KCNT1: variants seen among roughly 807,000 people sequenced by gnomAD.
KCNT1 encodes the protein potassium channel subfamily T member 1.
KCNT1 carries 78 observed loss-of-function variants against 147.8 expected under a neutral mutation model. That is an observed-to-expected ratio of 0.53 (90% CI 0.44 to 0.64). KCNT1 has a LOEUF of 0.64. KCNT1 is among the 30% of genes least tolerant of loss of function. The probability of loss-of-function intolerance (pLI) is 0.00; values close to 1 mark genes in which losing one functional copy is unlikely to be tolerated. For missense variants in KCNT1, 1,419 were observed against 1,750.3 expected (o/e 0.81, Z 3.38); for synonymous variants, 867 against 748.8 (o/e 1.16, Z -2.58).
intron 3 of KCNT1, chr9:135,750,692 C>T (rs572364531): frequency 3.5e-6 from 2 of 575,118 alleles, no homozygotes; most frequent in South Asian, 4.2e-5. Context: ...GTGGAGTGGC[C>T]TCTAGAAATC....
chr9:135,761,408 C>T (rs1032107978), intron 11 of KCNT1, among the ~76,000 whole-genome samples: 60 of 149,666 alleles, frequency 4.0e-4, no homozygotes, highest in African/African-American at 1.4e-3. Context: ...CAGGCAAGGG[C>T]GGGAGTGAGG....
At chr9:135,751,542 T>C (rs1831171435) in intron 4 of KCNT1, among the ~76,000 whole-genome samples, 1 of 152,172 alleles carries the variant, frequency 6.6e-6, no homozygotes, top group Non-Finnish European at 1.5e-5. Flanking sequence ...GGCAGCAATC[T>C]GCACCGTCAG....
chr9:135,754,987 C>G, intron 5 of KCNT1, 134 bp from the exon 6 acceptor site: 2 of 695,236 alleles, frequency 2.9e-6, no homozygotes, highest in Non-Finnish European at 4.5e-6. Context: ...AAGGTAGGCT[C>G]CTTTGGTCCA....
At chr9:135,748,122 G>A (rs573320169) in intron 2 of KCNT1, among the ~76,000 whole-genome samples, 3 of 152,014 alleles carry the variant, frequency 2.0e-5, no homozygotes, top group African/African-American at 7.3e-5. Flanking sequence ...TTATTGAGAC[G>A]GGGGTCTTGC....
intron 3 of KCNT1, chr9:135,750,452 G>A: frequency 1.9e-6 from 1 of 532,386 alleles, no homozygotes; most frequent in Non-Finnish European, 3.4e-6. Context: ...TGGACACCAG[G>A]CTGGGTGGGG....
At chr9:135,733,649 T>G (rs768864357) in intron 2 of KCNT1, among the ~76,000 whole-genome samples, 43 of 131,668 alleles carry the variant, frequency 3.3e-4, no homozygotes, top group Non-Finnish European at 6.5e-4. Flanking sequence ...TGCCCAGCCC[T>G]GCACTCCTCT....
At chr9:135,778,000 G>C (rs977675327) in intron 21 of KCNT1, among the ~76,000 whole-genome samples, 13 of 88,228 alleles carry the variant, frequency 1.5e-4, no homozygotes, top group African/African-American at 3.5e-4. Context: ...CTCAGCTCCT[G>C]TGGCTCCCAG....
At chr9:135,785,373 A>G (rs1833957994) in intron 28 of KCNT1, 43 bp downstream of exon 28, 1 of 1,611,864 alleles carries the variant, frequency 6.2e-7, no homozygotes, top group Non-Finnish European at 8.5e-7. Flanking sequence ...GCGGAGCACC[A>G]GAACATCGCA....
intron 22 of KCNT1, 83 bp downstream of exon 22, chr9:135,778,578 G>T (rs934357304): frequency 6.2e-7 from 1 of 1,600,452 alleles, no homozygotes; most frequent in African/African-American, 1.3e-5. Flanking sequence ...GACCCCGACC[G>T]CAGGTGGGGT....
At chr9:135,717,995 C>G (rs1032989698) in intron 2 of KCNT1, among the ~76,000 whole-genome samples, 1 of 152,218 alleles carries the variant, frequency 6.6e-6, no homozygotes, top group African/African-American at 2.4e-5. Context: ...CACCCAAGCC[C>G]TCCCCTATCC....
intron 2 of KCNT1, among the ~76,000 whole-genome samples, chr9:135,727,570 GT>G (rs1836270100): frequency 6.6e-6 from 1 of 152,104 alleles, no homozygotes; most frequent in Non-Finnish European, 1.5e-5. Flanking sequence ...GAGCCCAGCC[GT>G]GTGTCACCTT....
intron 17 of KCNT1, among the ~76,000 whole-genome samples, 170 bp from the exon 18 acceptor site, chr9:135,770,687 C>T (rs889058843): frequency 6.6e-6 from 1 of 152,226 alleles, no homozygotes; most frequent in African/African-American, 2.4e-5. Context: ...CTCTGGTCCC[C>T]AACACCTCTG....
rs376258932 is a variant in KCNT1 at position 135,751,654 on chromosome 9, C to T, written c.434+613C>T. ...CTGCTGTTGCTGCTTCGAGAAGTGG[C>T]GGCTGCTGGGACCTACTCTGTGCCC... On this transcript the variant is annotated intron_variant, in intron 4 of 30. Coordinates refer to ENST00000371757, the MANE Select transcript of KCNT1 (RefSeq NM_020822.3). 1.8e-4 allele frequency among the ~76,000 whole-genome samples: 27 copies of T among 152,296 alleles called. No homozygotes were observed. The South Asian group carries it at 5.4e-3, about 30-fold the overall frequency.
At chr9:135,766,477 G>A (rs1353061725) in intron 13 of KCNT1, among the ~76,000 whole-genome samples, 1 of 151,914 alleles carries the variant, frequency 6.6e-6, no homozygotes, top group Non-Finnish European at 1.5e-5. Context: ...GACCGTCTGG[G>A]GTATACCCTC....
chr9:135,756,173 T>C (rs1831469306), intron 6 of KCNT1, among the ~76,000 whole-genome samples: 1 of 151,116 alleles, frequency 6.6e-6, no homozygotes, highest in Non-Finnish European at 1.5e-5. Flanking sequence ...GAAGACAAAC[T>C]CAGGCTCAGT....
chr9:135,725,457 T>C (rs1537416), intron 2 of KCNT1, among the ~76,000 whole-genome samples: 76,995 of 152,112 alleles, frequency 0.51, 19,589 homozygotes, highest in Middle Eastern at 0.61. Flanking sequence ...GAGATCAGAG[T>C]GACGCTACCA....
intron 29 of KCNT1, chr9:135,791,508 G>C (rs1564400972): frequency 4.5e-6 from 2 of 444,894 alleles, no homozygotes; most frequent in Non-Finnish European, 4.2e-6. Context: ...CAGTGCCTCT[G>C]CTCAGGGCCA....
rs1350624614 is a variant in KCNT1 at position 135,792,402 on chromosome 9, C to T, written c.*241C>T. 4.7e-5 allele frequency: 21 copies of T among 444,302 alleles called. No homozygotes were observed. Among genetic ancestry groups the T allele is most frequent in the South Asian group, 3.5e-4 (15 of 43,372 alleles). The allele number at this position is 444,302 out of a possible 1,614,324, so 27.5% of individuals were successfully genotyped here. ...CCTATTTTTACACGTCGATGCAGTCCACTTCTCTTTACACAGATGTACCGC... is the reference window on the plus strand; with the variant it reads ...CCTATTTTTACACGTCGATGCAGTCTACTTCTCTTTACACAGATGTACCGC... On this transcript the variant is annotated 3_prime_UTR_variant, in exon 31 of 31. Coordinates refer to ENST00000371757, the MANE Select transcript of KCNT1 (RefSeq NM_020822.3).
At chr9:135,739,036 C>T (rs1830454212) in intron 2 of KCNT1, among the ~76,000 whole-genome samples, 1 of 152,092 alleles carries the variant, frequency 6.6e-6, no homozygotes, top group African/African-American at 2.4e-5. Flanking sequence ...CGGCCTTGCC[C>T]CTCCCAGCTG....
Sources: gnomAD v4.1 joint callset for allele counts (sites outside exome capture counted in the v4.1 genomes callset) on GRCh38, gnomAD v4.1.1 for gene constraint, MANE v1.5 for transcripts, NCBI Gene and HGNC (gene_info 2026-07-23, HGNC 2026-07-21) for gene names.